LDB1: variants seen among roughly 807,000 people sequenced by gnomAD.
The protein encoded by LDB1 is LIM domain binding 1.
Under a neutral mutation model 49.7 loss-of-function variants are expected in LDB1, and 6 were observed. The observed-to-expected ratio is 0.12, with a 90% confidence interval of 0.07 to 0.24. The LOEUF (loss-of-function observed/expected upper bound fraction) is 0.24, where lower values mean the gene tolerates loss of function less well. Ranked by LOEUF, LDB1 falls within the 10% of genes least tolerant of loss-of-function variation. LDB1 has a pLI of 1.00. For synonymous variants in LDB1, 233 were observed against 202.0 expected (o/e 1.15, Z -1.30); for missense variants, 341 against 561.7 (o/e 0.61, Z 3.97).
intron 1 of LDB1, among the ~76,000 whole-genome samples, chr10:102,114,108 T>C (rs1310194126): frequency 6.6e-6 from 1 of 152,200 alleles, no homozygotes; most frequent in Non-Finnish European, 1.5e-5. Flanking sequence ...CTCCCACCTC[T>C]AGCAAATTGG....
intron 5 of LDB1, 29 bp from the exon 6 acceptor site, chr10:102,110,730 C>A (rs545950441): frequency 6.2e-7 from 1 of 1,604,806 alleles, no homozygotes; most frequent in South Asian, 1.1e-5. Flanking sequence ...CTCTTCAGGA[C>A]AAAGGGACCG....
Position 102,107,378 on chromosome 10 carries a change from C to A in LDB1, c.*715G>T, listed in dbSNP as rs2068178133. 6.6e-6 allele frequency among the ~76,000 whole-genome samples: 1 copy of A among 151,900 alleles called. No homozygotes were observed. Among genetic ancestry groups the A allele is most frequent in the African/African-American group, 2.4e-5 (1 of 41,318 alleles). On this transcript the variant is annotated 3_prime_UTR_variant, in exon 11 of 11. Transcript: ENST00000673968. ...GCATGCTTTCCTCAACTGCAGTCAC[C>A]CCAGAGGAAAGGGGGAGAGATGGTG...
chr10:102,108,373 GC>G, intron 10 of LDB1, 50 bp from the exon 11 acceptor site: 1 of 1,483,538 alleles, frequency 6.7e-7, no homozygotes, highest in Non-Finnish European at 9.3e-7. Flanking sequence ...GGCTCGCCCG[GC>G]CCAGGGCGGC....
At chr10:102,121,095 G>A (rs1360560422), upstream of LDB1, among the ~76,000 whole-genome samples, 1 of 152,134 alleles carries the variant, frequency 6.6e-6, no homozygotes, top group Non-Finnish European at 1.5e-5. Flanking sequence ...AATTAAGTGG[G>A]GTCCCCGCCC....
chr10:102,118,016 ACAGG>A (rs762490374), intron 1 of LDB1, among the ~76,000 whole-genome samples: 6 of 151,914 alleles, frequency 3.9e-5, no homozygotes, highest in African/African-American at 7.3e-5. Context: ...AGAGACTCAG[ACAGG>A]CAGGCAGGCA....
At chr10:102,108,769 C>G (rs2068207379) in intron 10 of LDB1, among the ~76,000 whole-genome samples, 1 of 152,168 alleles carries the variant, frequency 6.6e-6, no homozygotes, top group Admixed American at 6.5e-5. Context: ...CCCAAGCTGT[C>G]TGTCCTGAAT....
intron 1 of LDB1, chr10:102,114,675 G>A: frequency 3.6e-6 from 3 of 825,334 alleles, no homozygotes; most frequent in Non-Finnish European, 4.4e-6. Context: ...CCTGGGGGGC[G>A]GGGGGCCGCG....
At position 102,108,003 on chromosome 10, in the gene LDB1, T is replaced by A; in HGVS notation, c.*90A>T. On this transcript the variant is annotated 3_prime_UTR_variant, in exon 11 of 11. Coordinates refer to ENST00000673968, the MANE Select transcript of LDB1 (RefSeq NM_001113407.3). ...GTGGATGGAGGCTGCCCATTTTAGA[T>A]GCTCAGTCTCTTCATTCTGTCTTCT... 9.7e-7 allele frequency: 1 copy of A among 1,032,352 alleles called. No homozygotes were observed. Among genetic ancestry groups the A allele is most frequent in the South Asian group, 1.4e-5 (1 of 73,458 alleles). The allele number at this position is 1,032,352 out of a possible 1,614,324, so 63.9% of individuals were successfully genotyped here.
At position 102,109,638 on chromosome 10, in the gene LDB1, G is replaced by T; in HGVS notation, c.694C>A (p.Arg232=). The T allele has an allele frequency of 6.2e-7, 1 of 1,614,116 alleles. No homozygotes were observed. The highest frequency in any genetic ancestry group is 8.5e-7 in the Non-Finnish European group (1 of 1,179,998). The change falls in exon 8 of 11, where the codon CGG becomes AGG. Residue 232 remains arginine (R), a synonymous_variant. Coordinates refer to ENST00000673968, the MANE Select transcript of LDB1 (RefSeq NM_001113407.3). The surrounding 1 kb of genome is among the most constrained non-coding windows in gnomAD (Gnocchi z 5.8). ...AGAGTGGAATTGGACAGCCCACACC[G>T]AGTGATGTTTTTGGAGAGCTGATCC... ...MLDQLSKNIT[R]CGLSNSTLNY...
At chr10:102,112,893 A>G (rs2068275932) in intron 1 of LDB1, among the ~76,000 whole-genome samples, 1 of 152,104 alleles carries the variant, frequency 6.6e-6, no homozygotes, top group Non-Finnish European at 1.5e-5. Context: ...TTCTGACTGG[A>G]AAAAGTGTTA....
intron 1 of LDB1, among the ~76,000 whole-genome samples, chr10:102,115,770 C>CA (rs1457164258): frequency 1.3e-5 from 2 of 152,186 alleles, no homozygotes; most frequent in African/African-American, 4.8e-5. Context: ...CCTGTTCTCC[C>CA]ATCCAGCAGG....
rs965233086 is a variant in LDB1 at position 102,107,761 on chromosome 10, T to G, written c.*332A>C. The G allele has an allele frequency of 2.1e-5, 8 of 381,040 alleles. No homozygotes were observed. Among genetic ancestry groups the G allele is most frequent in the Admixed American group, 1.7e-4 (4 of 23,204 alleles). 23.6% of individuals were successfully genotyped at this position (381,040 alleles called of 1,614,324 possible). A position where few individuals can be genotyped will look rare whatever the true frequency, so the allele number is the denominator to read the frequency against. ...AACCCCAGGCTTGAAAGGGGTAAAG[T>G]CAGGGGGATGGGAAACCCACAATCT... On this transcript the variant is annotated 3_prime_UTR_variant, in exon 11 of 11. Transcript: ENST00000673968.
intron 1 of LDB1, among the ~76,000 whole-genome samples, chr10:102,116,319 T>G (rs573450607): frequency 6.6e-6 from 1 of 152,236 alleles, no homozygotes; most frequent in East Asian, 1.9e-4. Flanking sequence ...GTAGCTGAGA[T>G]TACAGGTGCA....
At chr10:102,114,346 C>G in intron 1 of LDB1, 2 of 986,368 alleles carry the variant, frequency 2.0e-6, no homozygotes, top group Non-Finnish European at 2.4e-6. Context: ...AGATCAGGCC[C>G]GGGCCGGGCT....
intron 1 of LDB1, among the ~76,000 whole-genome samples, chr10:102,111,775 T>A (rs1036961452): frequency 2.0e-5 from 3 of 152,074 alleles, no homozygotes; most frequent in Non-Finnish European, 2.9e-5. Context: ...CACTTGAGCC[T>A]GGGAGGTCAA....
chr10:102,109,006 G>A lies in LDB1; in HGVS notation c.1005+23C>T. On this transcript the variant is annotated intron_variant, in intron 10 of 10. Transcript: ENST00000673968. This position sits in a 1 kb window ranked among gnomAD's most constrained non-coding sequence, Gnocchi z 5.8. The stretch of plus-strand genomic sequence containing the variant: ...GTGAGTGGTGGGGCAGCCCAGAAGA[G>A]AGAAGAAAGCCGAGATGCTTACAGG... The A allele has an allele frequency of 6.2e-7, 1 of 1,614,230 alleles. No individual in the cohort carries two copies. Among genetic ancestry groups the A allele is most frequent in the Non-Finnish European group, 8.5e-7 (1 of 1,180,034 alleles).
rs1375101780 is a variant in LDB1, at chr10:102,109,262, C to G, written c.857-85G>C. ...TGGCTCCCAAGGAGCATGAGCCTGC[C>G]CTGATCCCAATTTTGTAGACCCGGG... is the stretch of plus-strand genomic sequence containing the variant. On this transcript the variant is annotated intron_variant, in intron 9 of 10. Transcript: ENST00000673968. The surrounding 1 kb of genome is among the most constrained non-coding windows in gnomAD (Gnocchi z 5.8). 6 of 1,605,234 alleles carry G rather than the reference C, an allele frequency of 3.7e-6. No homozygotes were observed. The highest frequency in any genetic ancestry group is 5.1e-6 in the Non-Finnish European group (6 of 1,175,544).
chr10:102,111,159 GGA>G lies in LDB1; in HGVS notation c.174-17_174-16del, dbSNP rs776444249. The G allele has an allele frequency of 6.8e-6, 11 of 1,613,648 alleles. No homozygotes were observed. The South Asian group carries it at 9.9e-5, about 14-fold the overall frequency. ...GTGTGTGCCTCCTGGAGGAAGTGAAGGAGAGAGGTCAGTAGGAGCGGAGCCTG... is the reference window on the plus strand; with the variant it reads ...GTGTGTGCCTCCTGGAGGAAGTGAAGGAGAGGTCAGTAGGAGCGGAGCCTG... On this transcript the variant is annotated splice_polypyrimidine_tract_variant and intron_variant, in intron 3 of 10. Coordinates refer to ENST00000673968, the MANE Select transcript of LDB1 (RefSeq NM_001113407.3).
chr10:102,110,272 T>C, intron 6 of LDB1: 3 of 622,782 alleles, frequency 4.8e-6, no homozygotes, highest in Non-Finnish European at 5.6e-6. Context: ...TCTCCCCATG[T>C]GGCTAGTGAT....
Sources: gnomAD v4.1 joint callset for allele counts (sites outside exome capture counted in the v4.1 genomes callset) on GRCh38, gnomAD v4.1.1 for gene constraint, Gnocchi (gnomAD v3.1) non-coding constraint, MANE v1.5 for transcripts, NCBI Gene and HGNC (gene_info 2026-07-23, HGNC 2026-07-21) for gene names.